Variants in MRTFB observed in about 807,000 individuals in gnomAD.
The protein encoded by MRTFB is myocardin-related transcription factor B.
In MRTFB, 29 loss-of-function variants were observed where a neutral mutation model predicts 104.2. The ratio of observed to expected loss-of-function variants is 0.28; its 90% CI spans 0.21 to 0.38. The LOEUF (loss-of-function observed/expected upper bound fraction) is 0.38, where lower values mean the gene tolerates loss of function less well. MRTFB is among the 10% of genes least tolerant of loss of function. MRTFB has a pLI of 1.00. For missense variants in MRTFB, 1,270 were observed against 1,341.6 expected (o/e 0.95, Z 0.83); for synonymous variants, 535 against 519.5 (o/e 1.03, Z -0.41).
Position 14,131,727 on chromosome 16 carries a change from AT to A in MRTFB, c.-63-8816del, listed in dbSNP as rs561143584. The stretch of plus-strand genomic sequence containing the variant: ...ATCATTAGTCATTAGGGAAATGCAA[AT>A]CAAAACCACAATGAGTTACCACTTT... On this transcript the variant is annotated intron_variant, in intron 2 of 16. Coordinates refer to ENST00000571589, the MANE Select transcript of MRTFB (RefSeq NM_001308142.2). Among the ~76,000 whole-genome samples the A allele has an allele frequency of 5.9e-5, 9 of 152,268 alleles. No individual in the cohort carries two copies. In the South Asian group the frequency reaches 1.7e-3, roughly 28 times the overall value.
At chr16:14,087,624 ATGTT>A (rs1567307193) in intron 2 of MRTFB, among the ~76,000 whole-genome samples, 1 of 152,232 alleles carries the variant, frequency 6.6e-6, no homozygotes, top group African/African-American at 2.4e-5. Flanking sequence ...GTGTTTGTGT[ATGTT>A]AAACTCAGTA....
At chr16:14,242,719 G>A (rs778184475) in intron 10 of MRTFB, among the ~76,000 whole-genome samples, 4 of 152,126 alleles carry the variant, frequency 2.6e-5, no homozygotes, top group Admixed American at 2.0e-4. Flanking sequence ...CTCATCTGCC[G>A]ATCACATTCG....
chr16:14,074,085 G>A (rs987399871), intron 1 of MRTFB, among the ~76,000 whole-genome samples: 2 of 151,808 alleles, frequency 1.3e-5, no homozygotes, highest in African/African-American at 4.9e-5. Flanking sequence ...TTGAATAGAC[G>A]AGTTGCTTCT....
intron 13 of MRTFB, among the ~76,000 whole-genome samples, chr16:14,250,369 C>A (rs1480323312): frequency 1.3e-5 from 2 of 152,164 alleles, no homozygotes; most frequent in African/African-American, 4.8e-5. Flanking sequence ...AATACAGTTA[C>A]AATATCAGCA....
chr16:14,240,755 T>G, intron 10 of MRTFB: 1 of 771,372 alleles, frequency 1.3e-6, no homozygotes, highest in Middle Eastern at 2.2e-4. Flanking sequence ...TGCCTATTAT[T>G]AGAACACCAA....
At chr16:14,125,983 T>TCAAA (rs1217596372) in intron 2 of MRTFB, among the ~76,000 whole-genome samples, 2 of 152,174 alleles carry the variant, frequency 1.3e-5, no homozygotes, top group African/African-American at 2.4e-5. Flanking sequence ...AGGACTACAC[T>TCAAA]CAAACTTCTT....
At chr16:14,216,310 G>A (rs2041424065) in intron 6 of MRTFB, among the ~76,000 whole-genome samples, 1 of 152,200 alleles carries the variant, frequency 6.6e-6, no homozygotes, top group African/African-American at 2.4e-5. Flanking sequence ...TATAGCTTAA[G>A]AGGCAAGCAA....
chr16:14,180,169 A>G (rs1424594387), intron 3 of MRTFB, among the ~76,000 whole-genome samples: 2 of 152,218 alleles, frequency 1.3e-5, no homozygotes, highest in Non-Finnish European at 2.9e-5. Context: ...GCTCTAGACC[A>G]TATTCCTTAA....
intron 2 of MRTFB, among the ~76,000 whole-genome samples, chr16:14,113,694 G>A (rs1029612107): frequency 2.0e-5 from 3 of 152,096 alleles, no homozygotes; most frequent in Non-Finnish European, 4.4e-5. Flanking sequence ...TACCAGTCAG[G>A]CCCATAATCA....
chr16:14,098,789 A>G (rs2035535954), intron 2 of MRTFB, among the ~76,000 whole-genome samples: 1 of 152,182 alleles, frequency 6.6e-6, no homozygotes, highest in Non-Finnish European at 1.5e-5. Context: ...CAAAGTTCAT[A>G]TTTCTTGCAT....
At chr16:14,105,792 T>C (rs1187323095) in intron 2 of MRTFB, among the ~76,000 whole-genome samples, 1 of 152,214 alleles carries the variant, frequency 6.6e-6, no homozygotes, top group Non-Finnish European at 1.5e-5. Flanking sequence ...TTTACTGTCA[T>C]TATTAAAGTT....
At chr16:14,010,023 A>C in the MRTFB span, among the ~76,000 whole-genome samples, 1 of 152,130 alleles carries the variant, frequency 6.6e-6, no homozygotes, top group African/African-American at 2.4e-5. Context: ...TCTGGAGATA[A>C]ATAAAGGAGA....
At chr16:14,071,612 G>A (rs34083273) in intron 1 of MRTFB, among the ~76,000 whole-genome samples, 2 of 152,036 alleles carry the variant, frequency 1.3e-5, no homozygotes, top group African/African-American at 4.8e-5. Context: ...CGACCCCGGG[G>A]CCGCCTCAGT....
At position 14,185,951 on chromosome 16, in the gene MRTFB, C is replaced by A. The variant is rs556859339; in HGVS notation, c.155-24292C>A. On this transcript the variant is annotated intron_variant, in intron 3 of 16. Transcript: ENST00000571589. ...CAGCCTGTGACTTGCAGGAGAGGTG[C>A]CCATCCTTGATAGCTCATGTAAAAT... Among the ~76,000 whole-genome samples, 432 of 152,268 alleles carry A rather than the reference C, an allele frequency of 2.8e-3. 2 individuals are homozygous for A. The highest frequency in any genetic ancestry group is 0.01 in the African/African-American group (421 of 41,532).
the MRTFB span, among the ~76,000 whole-genome samples, chr16:14,036,807 C>T: frequency 2.0e-5 from 3 of 152,162 alleles, no homozygotes; most frequent in African/African-American, 7.2e-5. Context: ...GTGGAGGAAA[C>T]AAGAGGCATT....
At chr16:14,219,476 A>T (rs1490062669) in intron 8 of MRTFB, among the ~76,000 whole-genome samples, 1 of 152,176 alleles carries the variant, frequency 6.6e-6, no homozygotes, top group Non-Finnish European at 1.5e-5. Context: ...TGAAATTTTA[A>T]TAGTGTTATT....
the MRTFB span, among the ~76,000 whole-genome samples, chr16:14,045,777 C>T: frequency 2.0e-5 from 3 of 152,128 alleles, no homozygotes; most frequent in Admixed American, 6.5e-5. Context: ...CCTCTGTGTC[C>T]ATCAGGGCAT....
chr16:14,131,749 A>G (rs114591898), intron 2 of MRTFB, among the ~76,000 whole-genome samples: 1,878 of 151,858 alleles, frequency 0.012, 33 homozygotes, highest in African/African-American at 0.042. Context: ...ATGAGTTACC[A>G]CTTTACATTC....
At chr16:14,122,748 CAT>C (rs540071035) in intron 2 of MRTFB, among the ~76,000 whole-genome samples, 64 of 152,302 alleles carry the variant, frequency 4.2e-4, no homozygotes, top group Non-Finnish European at 7.8e-4. Context: ...CCACAGTAAA[CAT>C]ATGTGTGCAT....
Sources: allele counts gnomAD v4.1 joint callset (sites outside exome capture counted in the v4.1 genomes callset), GRCh38; gene constraint gnomAD v4.1.1; transcripts MANE v1.5; gene names NCBI Gene and HGNC (gene_info 2026-07-23, HGNC 2026-07-21).